The following COL23A1 variants were observed in gnomAD, a reference collection of about 807,000 sequenced individuals.
COL23A1 encodes the protein collagen type XXIII alpha 1 chain.
A neutral mutation model predicts 99.3 loss-of-function variants in COL23A1; 97 were observed. The observed-to-expected ratio is 0.98, with a 90% CI of 0.83 to 1.16. The LOEUF (loss-of-function observed/expected upper bound fraction) is 1.16. Ranked by LOEUF, COL23A1 falls within the 50% of genes most tolerant of loss-of-function variation. The pLI, the probability that COL23A1 is intolerant of heterozygous loss-of-function variation, is 0.00. For synonymous variants in COL23A1, 320 were observed against 308.2 expected (o/e 1.04, Z -0.40); for missense variants, 762 against 757.4 (o/e 1.01, Z -0.07).
chr5:178,325,663 C>T (rs374345352), intron 2 of COL23A1, among the ~76,000 whole-genome samples: 10 of 152,236 alleles, frequency 6.6e-5, no homozygotes, highest in East Asian at 3.8e-4. Context: ...TGCCAGACCA[C>T]GAGCTCCCCA....
chr5:178,394,920 G>A (rs1372654957), intron 2 of COL23A1, among the ~76,000 whole-genome samples: 5 of 143,094 alleles, frequency 3.5e-5, no homozygotes, highest in Admixed American at 7.0e-5. Flanking sequence ...TCTCCCCGGC[G>A]GGCAGGCGCT....
At chr5:178,275,626 T>C (rs78770628) in intron 5 of COL23A1, among the ~76,000 whole-genome samples, 1,962 of 152,276 alleles carry the variant, frequency 0.013, 31 homozygotes, top group African/African-American at 0.045. Context: ...TCCTGCTGCC[T>C]CAGAATCGCG....
intron 5 of COL23A1, among the ~76,000 whole-genome samples, chr5:178,277,717 G>A (rs1365879224): frequency 6.6e-6 from 1 of 152,218 alleles, no homozygotes; most frequent in Non-Finnish European, 1.5e-5. Flanking sequence ...TTACATGTAT[G>A]TCCATGTCAC....
chr5:178,494,711 C>T (rs1178783533), intron 2 of COL23A1, among the ~76,000 whole-genome samples: 1 of 152,120 alleles, frequency 6.6e-6, no homozygotes, highest in Non-Finnish European at 1.5e-5. Flanking sequence ...CCTGGTTCCC[C>T]AAACAAGAAG....
At chr5:178,380,326 AGCAGTG>A (rs1763311334) in intron 2 of COL23A1, among the ~76,000 whole-genome samples, 2 of 152,094 alleles carry the variant, frequency 1.3e-5, no homozygotes, top group Non-Finnish European at 2.9e-5. Flanking sequence ...GGCGGGGCCC[AGCAGTG>A]GGATGTGGAC....
chr5:178,357,716 GTA>G lies in COL23A1; in HGVS notation c.362-50799_362-50798del, dbSNP rs976211373. Among the ~76,000 whole-genome samples, 31 of 100,708 alleles carry G rather than the reference GTA, an allele frequency of 3.1e-4. 1 individual carries two copies. Among genetic ancestry groups the G allele is most frequent in the Admixed American group, 4.8e-4 (5 of 10,490 alleles). The allele number at this position is 100,708 out of a possible 152,430, so 66.1% of individuals were successfully genotyped here. A position where few individuals can be genotyped will look rare whatever the true frequency, so the allele number is the denominator to read the frequency against. On this transcript the variant is annotated intron_variant, in intron 2 of 28. Transcript: ENST00000390654. ...ATGTCAGGTCAGATTTAAAATGTGT[GTA>G]TGTGTGTGTGTGTGTGTGTATGTAC...
intron 2 of COL23A1, among the ~76,000 whole-genome samples, chr5:178,465,476 G>A (rs1020005841): frequency 7.2e-5 from 11 of 152,210 alleles, no homozygotes; most frequent in Non-Finnish European, 1.5e-4. Context: ...TCACACAGAG[G>A]CAGATAACCC....
At chr5:178,312,445 T>TA (rs1178468249) in intron 2 of COL23A1, among the ~76,000 whole-genome samples, 3 of 152,042 alleles carry the variant, frequency 2.0e-5, no homozygotes, top group African/African-American at 2.4e-5. Flanking sequence ...TTCTAACTCA[T>TA]AAAAATCTCA....
At chr5:178,486,738 G>C (rs1228891139) in intron 2 of COL23A1, among the ~76,000 whole-genome samples, 3 of 152,188 alleles carry the variant, frequency 2.0e-5, no homozygotes, top group Non-Finnish European at 4.4e-5. Context: ...AAGGCCAAGA[G>C]GCTCTGTATC....
chr5:178,298,073 C>G (rs1414317573), intron 3 of COL23A1, among the ~76,000 whole-genome samples: 4 of 152,182 alleles, frequency 2.6e-5, no homozygotes, highest in African/African-American at 4.8e-5. Context: ...TGCGCACGGC[C>G]TTCAAACATG....
intron 2 of COL23A1, among the ~76,000 whole-genome samples, chr5:178,322,888 C>T (rs145432075): frequency 2.0e-5 from 3 of 152,326 alleles, no homozygotes; most frequent in Non-Finnish European, 4.4e-5. Context: ...AGGCGGATAG[C>T]TCGGTGGGCT....
chr5:178,345,752 C>G (rs1215372500), intron 2 of COL23A1, among the ~76,000 whole-genome samples: 1 of 151,796 alleles, frequency 6.6e-6, no homozygotes, highest in Non-Finnish European at 1.5e-5. Context: ...GTCTCAATCT[C>G]CTGACCTCAT....
At chr5:178,552,706 TAAAA>T (rs60501006) in intron 2 of COL23A1, among the ~76,000 whole-genome samples, 82 of 136,066 alleles carry the variant, frequency 6.0e-4, no homozygotes, top group Middle Eastern at 3.8e-3. Context: ...CAAAAAAAAT[TAAAA>T]AAAAAAAAAA....
chr5:178,329,950 A>AAG (rs1490993432), intron 2 of COL23A1, among the ~76,000 whole-genome samples: 1 of 151,684 alleles, frequency 6.6e-6, no homozygotes, highest in African/African-American at 2.4e-5. Flanking sequence ...AAAAAAAAAA[A>AAG]AAGAAGAAAG....
At chr5:178,414,886 G>A (rs1246375734) in intron 2 of COL23A1, among the ~76,000 whole-genome samples, 6 of 152,128 alleles carry the variant, frequency 3.9e-5, no homozygotes, top group South Asian at 4.1e-4. Flanking sequence ...CAAGACCATC[G>A]AGCCCACCTA....
At chr5:178,449,865 G>C (rs574233943) in intron 2 of COL23A1, among the ~76,000 whole-genome samples, 8 of 152,204 alleles carry the variant, frequency 5.3e-5, no homozygotes, top group African/African-American at 1.9e-4. Flanking sequence ...GACTTCACGC[G>C]TTGTGTCCAA....
intron 5 of COL23A1, among the ~76,000 whole-genome samples, chr5:178,274,628 G>A (rs1756484509): frequency 6.6e-6 from 1 of 151,882 alleles, no homozygotes; most frequent in African/African-American, 2.4e-5. Flanking sequence ...AGACAATAGG[G>A]CACCGGCCAT....
chr5:178,420,997 C>G (rs556354396), intron 2 of COL23A1, among the ~76,000 whole-genome samples: 1 of 151,974 alleles, frequency 6.6e-6, no homozygotes, highest in East Asian at 2.0e-4. Flanking sequence ...CCCAGGGAGC[C>G]GCAGGGCCCA....
At chr5:178,547,674 A>C (rs993736830) in intron 2 of COL23A1, among the ~76,000 whole-genome samples, 6 of 5,814 alleles carry the variant, frequency 1.0e-3, no homozygotes, top group Non-Finnish European at 1.4e-3. Flanking sequence ...CCCCCCACAC[A>C]CCCACCCCCC....
Sources: allele counts gnomAD v4.1 joint callset (sites outside exome capture counted in the v4.1 genomes callset), GRCh38; gene constraint gnomAD v4.1.1; transcripts MANE v1.5; gene names NCBI Gene and HGNC (gene_info 2026-07-23, HGNC 2026-07-21).